Variants in KIF13B observed in about 807,000 individuals in gnomAD.
The protein encoded by KIF13B is kinesin-like protein KIF13B.
KIF13B carries 127 observed loss-of-function variants against 222.0 expected under a neutral mutation model. The observed-to-expected ratio is 0.57, with a 90% confidence interval of 0.50 to 0.66. The LOEUF (loss-of-function observed/expected upper bound fraction) is 0.66. KIF13B is among the 30% of genes least tolerant of loss of function. The probability of loss-of-function intolerance (pLI) is 0.00; values close to 1 mark genes in which losing one functional copy is unlikely to be tolerated. For missense variants in KIF13B, 2,173 were observed against 2,379.0 expected (o/e 0.91, Z 1.80); for synonymous variants, 976 against 919.0 (o/e 1.06, Z -1.12).
chr8:29,249,462 C>G (rs1192235060), intron 1 of KIF13B, among the ~76,000 whole-genome samples: 3 of 149,108 alleles, frequency 2.0e-5, no homozygotes, highest in Admixed American at 1.3e-4. Context: ...AAGATAAGCT[C>G]TAAGGAAAGG....
rs1187437783 is a variant in KIF13B at position 29,071,008 on chromosome 8, C to T, written c.5219-242G>A. The stretch of plus-strand genomic sequence containing the variant: ...GTGACCAAGGATGCACAGCCCCAGT[C>T]CTGCAGCCTCAGGTAGGAGGTGACA... On this transcript the variant is annotated intron_variant, in intron 39 of 39. Transcript: ENST00000524189. This position sits in a 1 kb window ranked among gnomAD's most constrained non-coding sequence, Gnocchi z 4.9. Among the ~76,000 whole-genome samples the T allele has an allele frequency of 2.0e-5, 3 of 152,186 alleles. No individual in the cohort carries two copies. The highest frequency in any genetic ancestry group is 6.5e-5 in the Admixed American group (1 of 15,292).
At chr8:29,111,312 A>C (rs543713612) in intron 32 of KIF13B, among the ~76,000 whole-genome samples, 3 of 152,348 alleles carry the variant, frequency 2.0e-5, no homozygotes, top group African/African-American at 7.2e-5. Context: ...CTAATTTTAT[A>C]AGGAGAAAGA....
chr8:29,103,132 C>T (rs1343146952), intron 35 of KIF13B, among the ~76,000 whole-genome samples: 8 of 151,552 alleles, frequency 5.3e-5, no homozygotes, highest in African/African-American at 1.5e-4. Context: ...GTCCCAGCTA[C>T]TCGGGAGGCT....
chr8:29,078,462 G>A (rs898658013), intron 37 of KIF13B, among the ~76,000 whole-genome samples: 8 of 152,130 alleles, frequency 5.3e-5, no homozygotes, highest in East Asian at 1.9e-4. Flanking sequence ...AATCATAACC[G>A]TGTGCTCATC....
intron 18 of KIF13B, among the ~76,000 whole-genome samples, chr8:29,143,418 G>A (rs988301949): frequency 2.6e-5 from 4 of 152,344 alleles, no homozygotes; most frequent in Middle Eastern, 3.4e-3. Context: ...ATTCACCCAC[G>A]TGGAAGCAAT....
At chr8:29,197,346 A>AAAAAAAAAAAAAAAG (rs1813482018) in intron 2 of KIF13B, among the ~76,000 whole-genome samples, 1 of 149,202 alleles carries the variant, frequency 6.7e-6, no homozygotes, top group Non-Finnish European at 1.5e-5. Flanking sequence ...CAAAAAAAAA[A>AAAAAAAAAAAAAAAG]AAAAAAAAAA....
At chr8:29,128,849 C>T (rs1306769169) in intron 24 of KIF13B, among the ~76,000 whole-genome samples, 1 of 152,188 alleles carries the variant, frequency 6.6e-6, no homozygotes, top group Non-Finnish European at 1.5e-5. Flanking sequence ...ATCAGTTGTC[C>T]TCTGCCACGT....
chr8:29,171,118 C>T (rs1039230465), intron 10 of KIF13B, among the ~76,000 whole-genome samples: 8 of 152,064 alleles, frequency 5.3e-5, no homozygotes, highest in African/African-American at 1.4e-4. Context: ...GCAGTAGGAA[C>T]GAAAAGAGGG....
chr8:29,187,048 TAGTG>T (rs1195274485), intron 5 of KIF13B, among the ~76,000 whole-genome samples: 1 of 147,698 alleles, frequency 6.8e-6, no homozygotes, highest in Non-Finnish European at 1.5e-5. Context: ...AAGTGAGAAA[TAGTG>T]AGGTCTAAAA....
chr8:29,169,018 G>A (rs114265313), intron 10 of KIF13B, among the ~76,000 whole-genome samples: 2,208 of 152,258 alleles, frequency 0.015, 55 homozygotes, highest in African/African-American at 0.05. Context: ...AAGATTAGAG[G>A]GAACACTCCA....
intron 29 of KIF13B, among the ~76,000 whole-genome samples, chr8:29,122,106 T>C (rs1440280466): frequency 6.6e-6 from 1 of 151,500 alleles, no homozygotes; most frequent in Non-Finnish European, 1.5e-5. Flanking sequence ...TACAAAAAAT[T>C]AGCCGGGCGT....
At chr8:29,133,365 G>A (rs1810428144) in intron 22 of KIF13B, among the ~76,000 whole-genome samples, 1 of 152,206 alleles carries the variant, frequency 6.6e-6, no homozygotes, top group South Asian at 2.1e-4. Flanking sequence ...GAGGTGGGCT[G>A]ATCATTTGAG....
chr8:29,240,517 T>C (rs1325691026), intron 2 of KIF13B, among the ~76,000 whole-genome samples: 2 of 152,240 alleles, frequency 1.3e-5, no homozygotes, highest in Non-Finnish European at 2.9e-5. Context: ...GTTAAACTGA[T>C]AGGTACATAA....
intron 1 of KIF13B, chr8:29,250,147 C>A (rs1234330574): frequency 1.2e-6 from 1 of 815,540 alleles, no homozygotes; most frequent in Non-Finnish European, 1.8e-6. Context: ...CCACCCACCA[C>A]AAAGTTGGTC....
At chr8:29,097,455 T>A (rs568929331) in intron 36 of KIF13B, among the ~76,000 whole-genome samples, 4 of 152,196 alleles carry the variant, frequency 2.6e-5, no homozygotes, top group Admixed American at 1.3e-4. Flanking sequence ...TCAGCAAAGA[T>A]CCAGAGGATT....
At chr8:29,164,530 C>G (rs887472861) in intron 12 of KIF13B, among the ~76,000 whole-genome samples, 4 of 152,192 alleles carry the variant, frequency 2.6e-5, no homozygotes, top group African/African-American at 9.6e-5. Flanking sequence ...TAAACGCTGG[C>G]TGTTACTGCC....
At chr8:29,160,503 G>A (rs1811727079) in intron 13 of KIF13B, among the ~76,000 whole-genome samples, 1 of 152,132 alleles carries the variant, frequency 6.6e-6, no homozygotes, top group African/African-American at 2.4e-5. Flanking sequence ...TTAAATAATG[G>A]TAGGTAAGGT....
At chr8:29,230,737 A>G (rs931612034) in intron 2 of KIF13B, among the ~76,000 whole-genome samples, 3 of 152,248 alleles carry the variant, frequency 2.0e-5, no homozygotes, top group Non-Finnish European at 4.4e-5. Context: ...GGTGAGGCCA[A>G]GAAGACCTGA....
At chr8:29,153,076 C>A (rs1193089266) in intron 14 of KIF13B, among the ~76,000 whole-genome samples, 2 of 152,070 alleles carry the variant, frequency 1.3e-5, no homozygotes, top group Non-Finnish European at 2.9e-5. Context: ...AGATTATTAT[C>A]CCCCATTTTT....
Sources: allele counts gnomAD v4.1 joint callset (sites outside exome capture counted in the v4.1 genomes callset), GRCh38; gene constraint gnomAD v4.1.1; non-coding constraint Gnocchi (gnomAD v3.1); transcripts MANE v1.5; gene names NCBI Gene and HGNC (gene_info 2026-07-23, HGNC 2026-07-21).